AKR1C3: variants seen among roughly 807,000 people sequenced by gnomAD.
AKR1C3 encodes the protein 3-alpha hydroxysteroid dehydrogenase, type II.
AKR1C3 carries 48 observed loss-of-function variants against 43.6 expected under a neutral mutation model. That is an observed-to-expected ratio of 1.10 (90% CI 0.87 to 1.40). The LOEUF is 1.40. Among genes scored for constraint, AKR1C3 ranks in the 40% most tolerant of loss-of-function variants. The pLI, the probability that AKR1C3 is intolerant of heterozygous loss-of-function variation, is 0.00. For missense variants in AKR1C3, 482 were observed against 391.2 expected (o/e 1.23, Z -1.96); for synonymous variants, 162 against 139.6 (o/e 1.16, Z -1.13).
rs186035092 is a variant in AKR1C3, at chr10:5,068,620, T to C, written c.84+19725T>C. Reference sequence around the variant, plus strand: ...TGACTCCTAGCAATCTTAATTGTAATGTAAAACCTGCTAAGTTGTGTTCTG... The same window carrying C: ...TGACTCCTAGCAATCTTAATTGTAACGTAAAACCTGCTAAGTTGTGTTCTG... On this transcript the variant is annotated intron_variant, in intron 1 of 8. Coordinates refer to the AKR1C3 transcript ENST00000439082. 3.9e-5 allele frequency among the ~76,000 whole-genome samples: 6 copies of C among 152,322 alleles called. No homozygotes were observed. The East Asian group carries it at 7.7e-4, about 20-fold the overall frequency.
intron 1 of AKR1C3, among the ~76,000 whole-genome samples, chr10:5,076,104 C>T (rs1838711461): frequency 6.6e-6 from 1 of 152,180 alleles, no homozygotes. Flanking sequence ...CGGTTGCAAA[C>T]ACACAAAACA....
In AKR1C3 at chr10:5,085,622, A is replaced by G. The variant is rs534659528; in HGVS notation, c.85-10788A>G. On this transcript the variant is annotated intron_variant, in intron 1 of 8. Transcript: ENST00000439082. ...GTTAGGGAGGATTCCCTCTTTTTCTATTGATTGGAATAGTTTCAGAAGGAA... is the reference window on the plus strand; with the variant it reads ...GTTAGGGAGGATTCCCTCTTTTTCTGTTGATTGGAATAGTTTCAGAAGGAA... Among the ~76,000 whole-genome samples, 19 of 151,780 alleles carry G rather than the reference A, an allele frequency of 1.3e-4. 1 individual carries two copies. The highest frequency in any genetic ancestry group is 4.4e-4 in the African/African-American group (18 of 41,196).
At position 5,066,560 on chromosome 10, in the gene AKR1C3, C is replaced by T. The variant is rs543204007; in HGVS notation, c.84+17665C>T. ...ATTTAAAACCTTTGAGAGAATATAG[C>T]GCAGCAACGAGACTATTATTATGAC... On this transcript the variant is annotated intron_variant, in intron 1 of 8. Transcript: ENST00000439082. Among the ~76,000 whole-genome samples the T allele has an allele frequency of 2.0e-3, 301 of 152,192 alleles. 2 individuals are homozygous for T. Among genetic ancestry groups the T allele is most frequent in the African/African-American group, 6.3e-3 (263 of 41,532 alleles).
chr10:5,095,970 T>C (rs1270261780), intron 1 of AKR1C3, among the ~76,000 whole-genome samples: 1 of 152,160 alleles, frequency 6.6e-6, no homozygotes, highest in Admixed American at 6.6e-5. Flanking sequence ...ACATCTCTTG[T>C]AGACAGCATT....
chr10:5,051,472 C>G (rs145486918), intron 1 of AKR1C3, among the ~76,000 whole-genome samples: 1 of 152,152 alleles, frequency 6.6e-6, no homozygotes, highest in Non-Finnish European at 1.5e-5. Context: ...AATACAGATA[C>G]TATAAAGTCA....
chr10:5,098,741 T>C, intron 3 of AKR1C3, 61 bp from the exon 4 acceptor site: 1 of 1,392,300 alleles, frequency 7.2e-7, no homozygotes, highest in Non-Finnish European at 1.0e-6. Context: ...GTACCTGGGG[T>C]TACAGCTATG....
chr10:5,059,998 A>G (rs1554780053), intron 1 of AKR1C3, among the ~76,000 whole-genome samples: 3 of 151,922 alleles, frequency 2.0e-5, no homozygotes, highest in Non-Finnish European at 2.9e-5. Context: ...TGGTGGGTGC[A>G]TGGTCTCGCT....
At chr10:5,091,278 C>T (rs535226369), upstream of AKR1C3, among the ~76,000 whole-genome samples, 70 of 152,192 alleles carry the variant, frequency 4.6e-4, no homozygotes, top group African/African-American at 1.6e-3. Context: ...GTTTTCTGTT[C>T]CTGCTGTAAC....
At position 5,099,367 on chromosome 10, in the gene AKR1C3, T is replaced by C. The variant is rs200514658; in HGVS notation, c.488T>C (p.Ile163Thr). 13 of 1,614,118 alleles carry C rather than the reference T, an allele frequency of 8.1e-6. No individual in the cohort carries two copies. The East Asian group carries it at 2.0e-4, about 25-fold the overall frequency. ...AAGGATGCAGGATTGGCCAAGTCCA[T>C]TGGGGTGTCAAACTTCAACCGCAGG... is the stretch of plus-strand genomic sequence containing the variant. ...KCKDAGLAKS[I>T]GVSNFNRRQL... The change falls in exon 5 of 9, where the codon ATT becomes ACT. Residue 163 changes from isoleucine to threonine, a missense_variant. Physicochemically the swap from Ile to Thr is moderately conservative, Grantham distance 89. Transcript: ENST00000380554.
intron 5 of AKR1C3, 101 bp downstream of exon 5, chr10:5,099,550 T>C (rs1564370235): frequency 3.2e-6 from 5 of 1,566,112 alleles, no homozygotes; most frequent in Admixed American, 1.8e-5. Flanking sequence ...CTTTGTGAAG[T>C]AGAAGATTAT....
intron 1 of AKR1C3, among the ~76,000 whole-genome samples, chr10:5,052,882 C>T (rs1838181175): frequency 6.6e-6 from 1 of 151,490 alleles, no homozygotes; most frequent in South Asian, 2.1e-4. Context: ...ATACAGAGTG[C>T]CGATTGGTGT....
At chr10:5,095,079 ACCACCT>A (rs1183247617) in intron 1 of AKR1C3, among the ~76,000 whole-genome samples, 1 of 128,244 alleles carries the variant, frequency 7.8e-6, no homozygotes, top group Non-Finnish European at 1.9e-5. Flanking sequence ...AGAAAAAAAT[ACCACCT>A]CATTTTAAGT....
intron 7 of AKR1C3, among the ~76,000 whole-genome samples, chr10:5,103,937 T>C (rs1452439885): frequency 2.0e-5 from 3 of 151,978 alleles, no homozygotes; most frequent in Admixed American, 6.6e-5. Flanking sequence ...ATATGATAGA[T>C]TGATATATAT....
At chr10:5,055,554 C>G (rs563983607) in intron 1 of AKR1C3, among the ~76,000 whole-genome samples, 1 of 152,194 alleles carries the variant, frequency 6.6e-6, no homozygotes, top group Non-Finnish European at 1.5e-5. Flanking sequence ...CTGCAACTAC[C>G]CTTAAACAGT....
rs1838745298 is a variant in AKR1C3 at position 5,077,823 on chromosome 10, T to C, written c.85-18587T>C. 5.4e-6 allele frequency: 3 copies of C among 555,830 alleles called. No individual in the cohort carries two copies. In the South Asian group the frequency reaches 1.2e-4, roughly 23 times the overall value. The allele number at this position is 555,830 out of a possible 1,614,324, so 34.4% of individuals were successfully genotyped here. ...TGAAGCAAATCTGACCGATTTTCAA[T>C]GTAAAAATAACATATAAAAACTGTT... On this transcript the variant is annotated intron_variant, in intron 1 of 8. Transcript: ENST00000439082.
chr10:5,099,641 G>A, intron 5 of AKR1C3, 192 bp downstream of exon 5: 1 of 1,020,162 alleles, frequency 9.8e-7, no homozygotes, highest in South Asian at 1.7e-5. Context: ...GGGAAAAATT[G>A]GAATGAGTTT....
intron 1 of AKR1C3, among the ~76,000 whole-genome samples, chr10:5,067,789 G>T (rs1838539356): frequency 6.6e-6 from 1 of 152,126 alleles, no homozygotes; most frequent in South Asian, 2.1e-4. Flanking sequence ...ACTCAAATTG[G>T]ATTATTTTAT....
intron 1 of AKR1C3, among the ~76,000 whole-genome samples, chr10:5,086,624 G>A (rs1242956778): frequency 2.0e-5 from 3 of 151,990 alleles, no homozygotes; most frequent in South Asian, 2.1e-4. Flanking sequence ...CAATTCCTGG[G>A]TATCCTTGTT....
At chr10:5,065,804 G>T (rs1457971818) in intron 1 of AKR1C3, among the ~76,000 whole-genome samples, 2 of 152,156 alleles carry the variant, frequency 1.3e-5, no homozygotes, top group African/African-American at 2.4e-5. Flanking sequence ...TATGTTCCCT[G>T]CCTCCAGACA....
Sources: gnomAD v4.1 joint callset for allele counts (sites outside exome capture counted in the v4.1 genomes callset) on GRCh38, gnomAD v4.1.1 for gene constraint, MANE v1.5 for transcripts, NCBI Gene and HGNC (gene_info 2026-07-23, HGNC 2026-07-21) for gene names.